The following HNRNPU variants were observed in gnomAD, a reference collection of about 807,000 sequenced individuals.
HNRNPU encodes the protein heterogeneous nuclear ribonucleoprotein U.
HNRNPU carries 5 observed loss-of-function variants against 94.7 expected under a neutral mutation model. The observed-to-expected ratio is 0.05, with a 90% CI of 0.03 to 0.11. The LOEUF (loss-of-function observed/expected upper bound fraction) is 0.11, where lower values mean the gene tolerates loss of function less well. Among genes scored for constraint, HNRNPU ranks in the 10% least tolerant of loss-of-function variants. HNRNPU has a pLI of 1.00. For synonymous variants in HNRNPU, 434 were observed against 381.6 expected, an observed-to-expected ratio of 1.14 and a Z score of -1.60; for missense variants, 710 against 1,049.2, an observed-to-expected ratio of 0.68 and a Z score of 4.47.
At chr1:244,862,405 A>AAAC (rs1680860513) in intron 3 of HNRNPU, 56 bp downstream of exon 3, 1 of 1,239,186 alleles carries the variant, frequency 8.1e-7, no homozygotes, top group Non-Finnish European at 1.1e-6. Flanking sequence ...TAAAAAAAAA[A>AAAC]AAAAAAAAAC....
At chr1:244,854,941 A>T (rs1334399660) in intron 13 of HNRNPU, 32 bp downstream of exon 13, 1 of 1,478,546 alleles carries the variant, frequency 6.8e-7, no homozygotes, top group South Asian at 1.1e-5. Context: ...AAATACAATT[A>T]ATGTACATAA....
Position 244,864,122 on chromosome 1 carries a change from C to T in HNRNPU, c.186G>A (p.Leu62=), listed in dbSNP as rs1680935711. The T allele has an allele frequency of 3.1e-6, 5 of 1,598,382 alleles. No individual in the cohort carries two copies. Among genetic ancestry groups the T allele is most frequent in the Non-Finnish European group, 2.6e-6 (3 of 1,172,604 alleles). The change falls in exon 1 of 14, where the codon CTG becomes CTA. Residue 62 remains leucine, a synonymous_variant. Coordinates refer to ENST00000640218, the MANE Select transcript of HNRNPU (RefSeq NM_031844.3). ...CCGAGCGCCCAGCGGAATCCCCGCC[C>T]AGGTCTAGGCTGCCGTTCCCGGGCT... ...AMEPGNGSLD[L]GGDSAGRSGA...
At chr1:244,863,497 C>T (rs1259673740) in intron 1 of HNRNPU, 120 bp downstream of exon 1, 1 of 1,198,292 alleles carries the variant, frequency 8.3e-7, no homozygotes, top group Non-Finnish European at 1.1e-6. Flanking sequence ...CTCCCCCACC[C>T]TCACCGCGGC....
chr1:244,862,438 T>G (rs760204253), intron 3 of HNRNPU, 23 bp downstream of exon 3: 86 of 1,468,598 alleles, frequency 5.9e-5, no homozygotes, highest in Non-Finnish European at 7.5e-5. Flanking sequence ...ATTTCATAAT[T>G]GGGGAGAAAC....
In HNRNPU at chr1:244,863,933, C is replaced by G. The variant is rs752671029; in HGVS notation, c.375G>C (p.Glu125Asp). The G allele has an allele frequency of 3.5e-5, 57 of 1,613,018 alleles. No individual in the cohort carries two copies. In the Admixed American group the frequency reaches 4.7e-4, roughly 13 times the overall value. Reference protein sequence around the residue: ...AADSGPMEEEEAASEDENGDD... With the variant: ...AADSGPMEEEDAASEDENGDD... ...CGCCGTTCTCGTCTTCCGAGGCGGCCTCCTCCTCCTCCATCGGGCCCGAGT... is the reference window on the plus strand; with the variant it reads ...CGCCGTTCTCGTCTTCCGAGGCGGCGTCCTCCTCCTCCATCGGGCCCGAGT... The change falls in exon 1 of 14, where the codon GAG (glutamate) becomes GAC (aspartate). Residue 125 changes from glutamate to aspartate, a missense_variant. Glu to Asp is a conservative substitution (Grantham distance 45). This residue lies in a region of HNRNPU where 292 missense variants were observed against 293.4 expected (regional missense o/e 1.00). Transcript: ENST00000640218.
intron 8 of HNRNPU, 157 bp downstream of exon 8, chr1:244,857,441 T>G: frequency 1.4e-6 from 1 of 711,320 alleles, no homozygotes; most frequent in South Asian, 2.0e-5. Flanking sequence ...GGAACGGGGC[T>G]TCGCCATGTT....
intron 3 of HNRNPU, chr1:244,862,172 G>A (rs958418724): frequency 9.2e-6 from 3 of 325,380 alleles, no homozygotes; most frequent in African/African-American, 2.2e-5. Flanking sequence ...AGTGTTACAA[G>A]TTTCCGTTAG....
At chr1:244,862,410 A>AAG in intron 3 of HNRNPU, 51 bp downstream of exon 3, 1 of 1,293,844 alleles carries the variant, frequency 7.7e-7, no homozygotes, top group East Asian at 2.3e-5. Flanking sequence ...AAAAAAAAAA[A>AAG]AAAACCACCA....
Position 244,851,555 on chromosome 1 carries a change from CAG to C in HNRNPU, c.*2893_*2894del, listed in dbSNP as rs1375613713. ...TCCTAGAATAATTTTATAACTTTTT[CAG>C]AGAATTCCTTTAAACTTGTTAAAAT... On this transcript the variant is annotated 3_prime_UTR_variant, in exon 14 of 14. Coordinates refer to ENST00000640218, the MANE Select transcript of HNRNPU (RefSeq NM_031844.3). 1 of 152,188 alleles carries C rather than the reference CAG, an allele frequency of 6.6e-6. No homozygotes were observed. Among genetic ancestry groups the C allele is most frequent in the Non-Finnish European group, 1.5e-5 (1 of 68,032 alleles). 9.4% of individuals were successfully genotyped at this position (152,188 alleles called of 1,614,324 possible). A position where few individuals can be genotyped will look rare whatever the true frequency, so the allele number is the denominator to read the frequency against.
At position 244,850,836 on chromosome 1, in the gene HNRNPU, C is replaced by T. The variant is rs192186633; in HGVS notation, c.*3614G>A. The stretch of plus-strand genomic sequence containing the variant: ...TTAGGAATGAATGACAAAGTTTAGA[C>T]TCTAATCATTTTAAGAATGTTAGGT... On this transcript the variant is annotated 3_prime_UTR_variant, in exon 14 of 14. Coordinates refer to ENST00000640218, the MANE Select transcript of HNRNPU (RefSeq NM_031844.3). The T allele has an allele frequency of 1.2e-3, 180 of 152,342 alleles. No homozygotes were observed. The highest frequency in any genetic ancestry group is 4.1e-3 in the African/African-American group (172 of 41,576). 9.4% of individuals were successfully genotyped at this position (152,342 alleles called of 1,614,324 possible).
At chr1:244,857,937 G>A (rs1449535634) in intron 7 of HNRNPU, 74 bp downstream of exon 7, 2 of 1,438,492 alleles carry the variant, frequency 1.4e-6, no homozygotes, top group African/African-American at 2.9e-5. Context: ...TAATCATCTA[G>A]TTCTTCTAAA....
Position 244,863,750 on chromosome 1 carries a change from C to G in HNRNPU, c.558G>C (p.Lys186Asn). 1 of 1,583,476 alleles carries G rather than the reference C, an allele frequency of 6.3e-7. No individual in the cohort carries two copies. The highest frequency in any genetic ancestry group is 8.6e-7 in the Non-Finnish European group (1 of 1,168,408). The change falls in exon 1 of 14, where the codon AAG becomes AAC. Residue 186 changes from lysine to asparagine, a missense_variant. Around this residue, in one of 8 missense-constraint regions of HNRNPU, gnomAD observed 292 missense variants for 293.4 expected, o/e 1.00. Coordinates refer to ENST00000640218, the MANE Select transcript of HNRNPU (RefSeq NM_031844.3). The stretch of plus-strand genomic sequence containing the variant: ...CGAACAGCGAGGTGGGGCCGCTGCT[C>G]TTCCCCGCGGCCTCCTTGGCGGCCC... ...QRGAAKEAAGKSSGPTSLFAV... is the reference protein window; with the variant it reads ...QRGAAKEAAGNSSGPTSLFAV...
Position 244,859,345 on chromosome 1 carries a change from T to C in HNRNPU, c.1047A>G (p.Leu349=), listed in dbSNP as rs1680764895. ...KVTEKIPVRH[L]YTKDIDIHEV... is the part of the protein sequence containing the mutation. ...CATGTATGTCAATATCTTTTGTATA[T>C]AAATGCCTTACTGGGATCTTCTCTG... Residue 349 remains leucine, a synonymous_variant, in exon 5 of 14, where the codon TTA becomes TTG. Coordinates refer to ENST00000640218, the MANE Select transcript of HNRNPU (RefSeq NM_031844.3). 1.3e-6 allele frequency: 2 copies of C among 1,583,288 alleles called. No homozygotes were observed. Among genetic ancestry groups the C allele is most frequent in the Non-Finnish European group, 1.7e-6 (2 of 1,152,654 alleles).
At chr1:244,861,248 T>C (rs57601468) in intron 3 of HNRNPU, 1 of 152,232 alleles carries the variant, frequency 6.6e-6, no homozygotes, top group Non-Finnish European at 1.5e-5. Flanking sequence ...TTGGAATTTT[T>C]CTTAAATTAG....
In HNRNPU at chr1:244,858,122, C is replaced by T. The variant is rs1196489344; in HGVS notation, c.1383G>A (p.Gln461=). The stretch of plus-strand genomic sequence containing the variant: ...GTATTGGAAAATATGGCTTTTCCTT[C>T]TGACCAAAATTAAATTCAACTGCAC... ...HNCAVEFNFG[Q]KEKPYFPIPE... is the part of the protein sequence containing the mutation. Residue 461 remains glutamine (Q), a synonymous_variant, in exon 7 of 14, where the codon CAG becomes CAA. Coordinates refer to ENST00000640218, the MANE Select transcript of HNRNPU (RefSeq NM_031844.3). 3 of 1,614,140 alleles carry T rather than the reference C, an allele frequency of 1.9e-6. 1 individual carries two copies. In the South Asian group the frequency reaches 3.3e-5, roughly 18 times the overall value.
At chr1:244,855,657 A>AT in intron 11 of HNRNPU, 49 bp from the exon 12 acceptor site, 1 of 1,575,036 alleles carries the variant, frequency 6.3e-7, no homozygotes, top group Non-Finnish European at 8.7e-7. Context: ...TACCCTACTT[A>AT]TACAGAAGAC....
chr1:244,864,026 T>TTCC lies in HNRNPU; in HGVS notation c.279_281dup (p.Glu94dup), dbSNP rs749084511. Reference sequence around the variant, plus strand: ...GGTCGCCGTCCAGAGCGGAGATTCCTTCCTCCTCCTCTTCCTCTTCCTCCT... The same window carrying TTCC: ...GGTCGCCGTCCAGAGCGGAGATTCCTTCCTCCTCCTCCTCTTCCTCTTCCTCCT... On this transcript the variant is annotated inframe_insertion, in exon 1 of 14. Coordinates refer to ENST00000640218, the MANE Select transcript of HNRNPU (RefSeq NM_031844.3). The TTCC allele has an allele frequency of 1.2e-6, 2 of 1,612,480 alleles. No homozygotes were observed. Among genetic ancestry groups the TTCC allele is most frequent in the South Asian group, 1.1e-5 (1 of 90,906 alleles).
At chr1:244,863,154 G>A (rs1347773919) in intron 1 of HNRNPU, 25 of 139,616 alleles carry the variant, frequency 1.8e-4, no homozygotes, top group Admixed American at 3.2e-4. Context: ...ACGTCACGCC[G>A]AGCCCCTGCG....
chr1:244,855,134 T>C, intron 12 of HNRNPU, 90 bp from the exon 13 acceptor site: 4 of 995,392 alleles, frequency 4.0e-6, no homozygotes, highest in Non-Finnish European at 6.4e-6. Context: ...ATGGACAGGT[T>C]GCTAGCCCCT....
Sources: allele counts gnomAD v4.1 joint callset, GRCh38; gene constraint gnomAD v4.1.1; regional missense constraint gnomAD v4.1.1; transcripts MANE v1.5; gene names NCBI Gene and HGNC (gene_info 2026-07-23, HGNC 2026-07-21).